The following DAB1 variants were observed in gnomAD, a reference collection of about 807,000 sequenced individuals.
DAB1 encodes disabled homolog 1.
In DAB1, 15 loss-of-function variants were observed where a neutral mutation model predicts 64.6. That is an observed-to-expected ratio of 0.23 (90% confidence interval 0.16 to 0.36). The LOEUF (loss-of-function observed/expected upper bound fraction) is 0.36. Ranked by LOEUF, DAB1 falls within the 10% of genes least tolerant of loss-of-function variation. The pLI is 1.00. For synonymous variants in DAB1, 235 were observed against 251.9 expected, an observed-to-expected ratio of 0.93 and a Z score of 0.64; for missense variants, 596 against 706.7, an observed-to-expected ratio of 0.84 and a Z score of 1.78.
chr1:58,152,120 T>C (rs920906428), intron 4 of DAB1, among the ~76,000 whole-genome samples: 2 of 151,950 alleles, frequency 1.3e-5, no homozygotes, highest in Non-Finnish European at 2.9e-5. Flanking sequence ...TATGGTAAAA[T>C]TAGTATTTTT....
chr1:57,911,408 G>C (rs1360260629), intron 5 of DAB1, among the ~76,000 whole-genome samples: 1 of 152,184 alleles, frequency 6.6e-6, no homozygotes, highest in Non-Finnish European at 1.5e-5. Context: ...GGGATTTCCT[G>C]TTTTCAGGTC....
At chr1:57,540,643 G>GCA (rs1159537116) in intron 7 of DAB1, among the ~76,000 whole-genome samples, 1 of 152,144 alleles carries the variant, frequency 6.6e-6, no homozygotes, top group African/African-American at 2.4e-5. Flanking sequence ...CCTGTCATTT[G>GCA]CATATCCTGT....
rs953028516 is a variant in DAB1 at position 57,664,475 on chromosome 1, T to G, written n.552-14810A>C. 2.6e-5 allele frequency among the ~76,000 whole-genome samples: 4 copies of G among 152,182 alleles called. No homozygotes were observed. The East Asian group carries it at 7.7e-4, about 29-fold the overall frequency. On this transcript the variant is annotated intron_variant and non_coding_transcript_variant, in intron 6 of 20. Coordinates refer to the DAB1 transcript ENST00000485760. ...ATTGCTCCTTTTAAATTATTTCAAG[T>G]ATTATGTAAACAGTTACAACTTTAT...
chr1:58,300,590 AAGAAAGAAAGAAAGAAAG>A, intron 4 of DAB1, among the ~76,000 whole-genome samples: 1 of 30,222 alleles, frequency 3.3e-5, no homozygotes, highest in Admixed American at 4.1e-4. Flanking sequence ...GAAAGAAAGA[AAGAAAGAAAGAAAGAAAG>A]AAAGAGAGAG....
chr1:58,063,778 G>A (rs1320170638), intron 5 of DAB1, among the ~76,000 whole-genome samples: 2 of 152,134 alleles, frequency 1.3e-5, no homozygotes, highest in African/African-American at 4.8e-5. Context: ...TTTCACAATG[G>A]GAAAGCCGCA....
chr1:58,407,556 A>G (rs1486008688), intron 3 of DAB1, among the ~76,000 whole-genome samples: 1 of 152,140 alleles, frequency 6.6e-6, no homozygotes, highest in African/African-American at 2.4e-5. Context: ...GGTGAGTAGA[A>G]GCCAAGGATG....
intron 3 of DAB1, among the ~76,000 whole-genome samples, chr1:58,370,632 AC>A (rs1041845548): frequency 2.0e-4 from 31 of 152,122 alleles, no homozygotes; most frequent in African/African-American, 7.5e-4. Flanking sequence ...CTGTGTCCTC[AC>A]CCAAATCTCA....
intron 4 of DAB1, among the ~76,000 whole-genome samples, chr1:58,329,124 A>T (rs557450422): frequency 6.6e-6 from 1 of 152,360 alleles, no homozygotes; most frequent in East Asian, 1.9e-4. Flanking sequence ...TTTTCTTACT[A>T]CAAAAGTAAT....
At chr1:57,554,351 T>G (rs1644962570) in intron 7 of DAB1, among the ~76,000 whole-genome samples, 1 of 152,248 alleles carries the variant, frequency 6.6e-6, no homozygotes, top group Non-Finnish European at 1.5e-5. Flanking sequence ...TTCCTAGCTT[T>G]GTGTTACTTA....
intron 1 of DAB1, among the ~76,000 whole-genome samples, chr1:57,827,445 T>C (rs1652400972): frequency 6.6e-6 from 1 of 152,232 alleles, no homozygotes; most frequent in South Asian, 2.1e-4. Context: ...TCTGTGACCT[T>C]GGGCAATTAC....
At chr1:58,313,739 G>C (rs1226648883) in intron 4 of DAB1, among the ~76,000 whole-genome samples, 1 of 151,730 alleles carries the variant, frequency 6.6e-6, no homozygotes, top group Non-Finnish European at 1.5e-5. Flanking sequence ...GGAAGTCCAA[G>C]ATGTGTGTGC....
At chr1:58,158,020 A>G (rs1445826175) in intron 4 of DAB1, among the ~76,000 whole-genome samples, 1 of 152,160 alleles carries the variant, frequency 6.6e-6, no homozygotes, top group East Asian at 1.9e-4. Flanking sequence ...CTTAGGGAAA[A>G]CAGCCCACAA....
chr1:58,399,816 T>G (rs147480577), intron 3 of DAB1, among the ~76,000 whole-genome samples: 1 of 152,316 alleles, frequency 6.6e-6, no homozygotes, highest in East Asian at 1.9e-4. Flanking sequence ...TGAAGCAATA[T>G]GCCAAGGTAA....
At chr1:58,127,930 T>G (rs1653240739) in intron 5 of DAB1, among the ~76,000 whole-genome samples, 1 of 152,228 alleles carries the variant, frequency 6.6e-6, no homozygotes, top group Non-Finnish European at 1.5e-5. Context: ...TAGGATTGAC[T>G]TGGCTATGCG....
chr1:57,125,154 A>G (rs1657020678), intron 4 of DAB1, among the ~76,000 whole-genome samples: 1 of 152,118 alleles, frequency 6.6e-6, no homozygotes, highest in African/African-American at 2.4e-5. Flanking sequence ...CTCATCCCTC[A>G]GTTCATCCTT....
chr1:58,152,543 C>T (rs1370440036), intron 4 of DAB1, among the ~76,000 whole-genome samples: 1 of 152,208 alleles, frequency 6.6e-6, no homozygotes, highest in Non-Finnish European at 1.5e-5. Context: ...AAATCTCTGC[C>T]TCTCAGTCTT....
chr1:57,343,920 C>A (rs377013581), intron 1 of DAB1, among the ~76,000 whole-genome samples: 2 of 152,246 alleles, frequency 1.3e-5, no homozygotes, highest in African/African-American at 2.4e-5. Flanking sequence ...GCCAAGGAGG[C>A]GCCCAGAGCG....
intron 5 of DAB1, among the ~76,000 whole-genome samples, chr1:58,142,800 T>C (rs1654362204): frequency 6.6e-6 from 1 of 152,222 alleles, no homozygotes; most frequent in African/African-American, 2.4e-5. Context: ...CACTGTGCAT[T>C]AATTGCTCCC....
chr1:57,244,387 T>C (rs1230801306), intron 2 of DAB1, among the ~76,000 whole-genome samples: 1 of 152,166 alleles, frequency 6.6e-6, no homozygotes, highest in Non-Finnish European at 1.5e-5. Flanking sequence ...AATGGGTTGA[T>C]AAAGGAAAGA....
Sources: allele counts gnomAD v4.1 joint callset (sites outside exome capture counted in the v4.1 genomes callset), GRCh38; gene constraint gnomAD v4.1.1; transcripts MANE v1.5; gene names NCBI Gene and HGNC (gene_info 2026-07-23, HGNC 2026-07-21).